The following CPQ variants were observed in gnomAD, a reference collection of about 807,000 sequenced individuals.
CPQ encodes carboxypeptidase Q, also known as Ser-Met dipeptidase.
Under a neutral mutation model 45.7 loss-of-function variants are expected in CPQ, and 37 were observed. The observed-to-expected ratio is 0.81, with a 90% confidence interval of 0.62 to 1.07. The LOEUF is 1.07. Among genes scored for constraint, CPQ ranks in the 50% least tolerant of loss-of-function variants. The pLI is 0.00. For synonymous variants in CPQ, 186 were observed against 205.8 expected, an observed-to-expected ratio of 0.90 and a Z score of 0.82; for missense variants, 537 against 572.9, an observed-to-expected ratio of 0.94 and a Z score of 0.64.
chr8:97,034,891 A>ATTTTT (rs111486679), intron 6 of CPQ, among the ~76,000 whole-genome samples: 1 of 123,026 alleles, frequency 8.1e-6, no homozygotes, highest in Non-Finnish European at 1.8e-5. Flanking sequence ...GTCCCTTTCT[A>ATTTTT]TTTTTTTTTT....
At chr8:97,061,273 T>C (rs1351329494) in intron 6 of CPQ, among the ~76,000 whole-genome samples, 1 of 146,580 alleles carries the variant, frequency 6.8e-6, no homozygotes, top group Non-Finnish European at 1.5e-5. Context: ...GTTTTTGTTT[T>C]CATTTCTTTC....
intron 4 of CPQ, among the ~76,000 whole-genome samples, chr8:96,905,579 A>G (rs1812565077): frequency 6.6e-6 from 1 of 152,174 alleles, no homozygotes; most frequent in African/African-American, 2.4e-5. Context: ...GCCAAACAGC[A>G]GGACCTCGGG....
chr8:97,013,091 C>T (rs1008507348), intron 5 of CPQ, among the ~76,000 whole-genome samples: 8 of 152,046 alleles, frequency 5.3e-5, no homozygotes, highest in African/African-American at 1.9e-4. Flanking sequence ...ACCTACCCCA[C>T]CTGCCCAAGA....
rs776450014 is a variant in CPQ, at chr8:96,947,598, AAAAC to A, written c.850-18313_850-18310del. Reference sequence around the variant, plus strand: ...GAATTGTGTTTTCTATGCCTGTAAAAAAACAAACAAACAAACAAACAAACAAAAA... The same window carrying A: ...GAATTGTGTTTTCTATGCCTGTAAAAAAACAAACAAACAAACAAACAAAAA... On this transcript the variant is annotated intron_variant, in intron 4 of 7. Coordinates refer to ENST00000220763, the MANE Select transcript of CPQ (RefSeq NM_016134.4). 1.3e-3 allele frequency among the ~76,000 whole-genome samples: 198 copies of A among 152,182 alleles called. 3 individuals carry two copies. The highest frequency in any genetic ancestry group is 5.6e-3 in the South Asian group (27 of 4,818).
chr8:97,118,349 G>A (rs778597308), intron 7 of CPQ, among the ~76,000 whole-genome samples: 1 of 152,072 alleles, frequency 6.6e-6, no homozygotes, highest in Admixed American at 6.5e-5. Context: ...ACTGACCCCA[G>A]AGAAATCAAT....
At chr8:96,723,128 G>A (rs1208717512) in intron 1 of CPQ, among the ~76,000 whole-genome samples, 1 of 152,074 alleles carries the variant, frequency 6.6e-6, no homozygotes, top group African/African-American at 2.4e-5. Context: ...TTATAATTAT[G>A]TTTTTATTTT....
chr8:96,966,316 A>G (rs1247787899), intron 5 of CPQ, among the ~76,000 whole-genome samples: 1 of 152,272 alleles, frequency 6.6e-6, no homozygotes, highest in African/African-American at 2.4e-5. Context: ...CACCAGCTAA[A>G]GAATATGCAA....
intron 2 of CPQ, among the ~76,000 whole-genome samples, chr8:96,833,725 G>A (rs1170310981): frequency 1.3e-5 from 2 of 152,144 alleles, no homozygotes; most frequent in Non-Finnish European, 2.9e-5. Context: ...TGAGTTCTCA[G>A]TGTTGGTGAA....
At chr8:97,091,998 CAT>C (rs1225567584) in intron 7 of CPQ, among the ~76,000 whole-genome samples, 2 of 152,132 alleles carry the variant, frequency 1.3e-5, no homozygotes, top group African/African-American at 2.4e-5. Flanking sequence ...TGACAAAACA[CAT>C]GATTCCTACC....
At chr8:97,074,831 A>C (rs533814054) in intron 7 of CPQ, among the ~76,000 whole-genome samples, 12 of 152,160 alleles carry the variant, frequency 7.9e-5, no homozygotes, top group Admixed American at 7.2e-4. Context: ...TAATAATATG[A>C]AAAAGGCAGG....
intron 2 of CPQ, among the ~76,000 whole-genome samples, chr8:96,808,827 G>T (rs1811119761): frequency 6.6e-6 from 1 of 152,100 alleles, no homozygotes; most frequent in South Asian, 2.1e-4. Context: ...ACTTTCAGAA[G>T]TGATATTCAA....
At chr8:96,684,958 G>A (rs1586358197) in intron 1 of CPQ, among the ~76,000 whole-genome samples, 2 of 152,022 alleles carry the variant, frequency 1.3e-5, no homozygotes, top group East Asian at 3.9e-4. Flanking sequence ...ACAAAAATTA[G>A]CCAGGCATGG....
chr8:97,043,537 A>C (rs1810173374), intron 6 of CPQ, among the ~76,000 whole-genome samples: 1 of 152,136 alleles, frequency 6.6e-6, no homozygotes, highest in Non-Finnish European at 1.5e-5. Flanking sequence ...TTATGATGTT[A>C]GCTGGTTATT....
At chr8:97,003,571 G>A (rs1563551446) in intron 5 of CPQ, among the ~76,000 whole-genome samples, 3 of 152,132 alleles carry the variant, frequency 2.0e-5, no homozygotes, top group Non-Finnish European at 4.4e-5. Flanking sequence ...GCACTGTGAG[G>A]TTACCTATGC....
chr8:97,101,951 CCTCTCTCT>C (rs150834817), intron 7 of CPQ, among the ~76,000 whole-genome samples: 3 of 90,740 alleles, frequency 3.3e-5, no homozygotes, highest in Admixed American at 1.0e-4. Flanking sequence ...TCCCTCCCTC[CCTCTCTCT>C]CTCTCTCTCT....
At chr8:97,026,765 A>G (rs933271667) in intron 5 of CPQ, among the ~76,000 whole-genome samples, 2 of 152,146 alleles carry the variant, frequency 1.3e-5, no homozygotes, top group Non-Finnish European at 2.9e-5. Flanking sequence ...AGCATTCCTC[A>G]CTTCAAATCA....
At chr8:97,041,732 A>G (rs1268090782) in intron 6 of CPQ, among the ~76,000 whole-genome samples, 1 of 152,148 alleles carries the variant, frequency 6.6e-6, no homozygotes, top group Non-Finnish European at 1.5e-5. Context: ...TTCTGCGTCT[A>G]TTGAGATAAT....
chr8:96,947,155 C>A (rs1400759717), intron 4 of CPQ, among the ~76,000 whole-genome samples: 1 of 152,108 alleles, frequency 6.6e-6, no homozygotes, highest in African/African-American at 2.4e-5. Flanking sequence ...AAATATCATT[C>A]AATGGGTTTC....
intron 5 of CPQ, among the ~76,000 whole-genome samples, chr8:97,019,499 G>A (rs1248166489): frequency 1.3e-5 from 2 of 152,096 alleles, no homozygotes; most frequent in Non-Finnish European, 1.5e-5. Context: ...ACACTTAAGT[G>A]CTCACATAAA....
Sources: gnomAD v4.1 joint callset for allele counts (sites outside exome capture counted in the v4.1 genomes callset) on GRCh38, gnomAD v4.1.1 for gene constraint, MANE v1.5 for transcripts, NCBI Gene and HGNC (gene_info 2026-07-23, HGNC 2026-07-21) for gene names.